The following CCDC102B variants were observed in gnomAD, a reference collection of about 807,000 sequenced individuals.
The protein encoded by CCDC102B is coiled-coil domain containing 102B.
A neutral mutation model predicts 57.4 loss-of-function variants in CCDC102B; 75 were observed. The observed-to-expected ratio is 1.31, with a 90% CI of 1.08 to 1.58. CCDC102B has a LOEUF of 1.58. Ranked by LOEUF, CCDC102B falls within the 40% of genes most tolerant of loss-of-function variation. The pLI is 0.00. For synonymous variants in CCDC102B, 206 were observed against 201.9 expected, an observed-to-expected ratio of 1.02 and a Z score of -0.17; for missense variants, 636 against 582.6, an observed-to-expected ratio of 1.09 and a Z score of -0.94.
At chr18:68,882,681 C>T (rs1446596060) in intron 5 of CCDC102B, among the ~76,000 whole-genome samples, 1 of 152,096 alleles carries the variant, frequency 6.6e-6, no homozygotes, top group African/African-American at 2.4e-5. Flanking sequence ...TTACAAACAA[C>T]AATAAAAGGA....
chr18:69,056,643 A>G (rs1395235027), downstream of CCDC102B, among the ~76,000 whole-genome samples: 1 of 146,796 alleles, frequency 6.8e-6, no homozygotes, highest in Non-Finnish European at 1.5e-5. Flanking sequence ...GATAATAGAT[A>G]GATAGATAGA....
intron 6 of CCDC102B, among the ~76,000 whole-genome samples, chr18:68,951,499 C>T (rs2049696571): frequency 6.6e-6 from 1 of 152,018 alleles, no homozygotes; most frequent in African/African-American, 2.4e-5. Context: ...AATGTTTTCC[C>T]TTTCTACCTC....
intron 2 of CCDC102B, among the ~76,000 whole-genome samples, chr18:68,724,766 C>A (rs1252943179): frequency 6.6e-6 from 1 of 152,252 alleles, no homozygotes; most frequent in South Asian, 2.1e-4. Flanking sequence ...CCAAACTTTC[C>A]CACATTTTCC....
At chr18:68,884,605 C>T (rs76483187) in intron 5 of CCDC102B, among the ~76,000 whole-genome samples, 1,570 of 142,086 alleles carry the variant, frequency 0.011, 32 homozygotes, top group East Asian at 0.08. Context: ...CACACACACA[C>T]ATATACACAC....
At chr18:68,869,470 G>A (rs2039144717) in intron 4 of CCDC102B, among the ~76,000 whole-genome samples, 2 of 152,214 alleles carry the variant, frequency 1.3e-5, no homozygotes, top group African/African-American at 2.4e-5. Context: ...AATGCTGGTA[G>A]CAGAAGCGAG....
At chr18:68,726,302 T>C (rs1409372329) in intron 2 of CCDC102B, among the ~76,000 whole-genome samples, 1 of 150,890 alleles carries the variant, frequency 6.6e-6, no homozygotes, top group Non-Finnish European at 1.5e-5. Context: ...TAGAGTTACC[T>C]AAGCCTATTC....
At position 68,743,905 on chromosome 18, in the gene CCDC102B, C is replaced by T. The variant is rs145985923; in HGVS notation, c.-67+27311C>T. ...TTTCTGTTTTTTAGTTGAGTGTGAG[C>T]GGAAAAAGAAACTGGGGATAAATTA... On this transcript the variant is annotated intron_variant, in intron 2 of 3. Transcript: ENST00000578970. 4.6e-5 allele frequency among the ~76,000 whole-genome samples: 7 copies of T among 152,140 alleles called. No individual in the cohort carries two copies. In the East Asian group the frequency reaches 1.2e-3, roughly 25 times the overall value.
intron 2 of CCDC102B, among the ~76,000 whole-genome samples, chr18:68,774,724 A>G (rs2034752337): frequency 6.6e-6 from 1 of 152,068 alleles, no homozygotes. Flanking sequence ...TTAGAGATTG[A>G]TTTATTTTTA....
chr18:68,867,186 T>G (rs377413330), intron 4 of CCDC102B, among the ~76,000 whole-genome samples: 1 of 152,180 alleles, frequency 6.6e-6, no homozygotes, highest in African/African-American at 2.4e-5. Context: ...TAGATCATAG[T>G]AGTGGAAAAG....
Position 69,033,371 on chromosome 18 carries a change from A to G in CCDC102B, c.1435-20659A>G, listed in dbSNP as rs145235080. Among the ~76,000 whole-genome samples the G allele has an allele frequency of 4.5e-3, 679 of 152,258 alleles. 3 individuals carry two copies. The highest frequency in any genetic ancestry group is 0.012 in the South Asian group (60 of 4,828). On this transcript the variant is annotated intron_variant, in intron 7 of 7. Coordinates refer to ENST00000360242, the MANE Select transcript of CCDC102B (RefSeq NM_024781.3). Reference sequence around the variant, plus strand: ...AGTATCATCATCATGTTGTGTAACAATCACTACAATCTAATTTTAAAACAG... The same window carrying G: ...AGTATCATCATCATGTTGTGTAACAGTCACTACAATCTAATTTTAAAACAG...
Position 68,881,302 on chromosome 18 carries a change from A to G in CCDC102B, c.1053+6517A>G, listed in dbSNP as rs528653941. 2.0e-5 allele frequency among the ~76,000 whole-genome samples: 3 copies of G among 152,332 alleles called. No homozygotes were observed. The South Asian group carries it at 6.2e-4, about 32-fold the overall frequency. On this transcript the variant is annotated intron_variant, in intron 5 of 7. Transcript: ENST00000360242. ...AAATACTCTGTTCAGATTGAGTATC[A>G]CTAGATATTTAGAGCTAATGTTTAT...
chr18:68,879,116 G>A (rs757569017), intron 5 of CCDC102B, among the ~76,000 whole-genome samples: 3 of 152,026 alleles, frequency 2.0e-5, no homozygotes, highest in East Asian at 3.9e-4. Flanking sequence ...ATTCCTCCCA[G>A]TGGGCTCGTG....
intron 1 of CCDC102B, among the ~76,000 whole-genome samples, chr18:68,810,863 C>G (rs2036236733): frequency 6.6e-6 from 1 of 151,796 alleles, no homozygotes; most frequent in South Asian, 2.1e-4. Context: ...CCAACAGGCC[C>G]CAGTGTGTGA....
At chr18:69,012,100 A>G (rs1286196330) in intron 7 of CCDC102B, among the ~76,000 whole-genome samples, 1 of 152,024 alleles carries the variant, frequency 6.6e-6, no homozygotes, top group African/African-American at 2.4e-5. Context: ...GTCTCTTTTT[A>G]TGAAGATATA....
intron 5 of CCDC102B, among the ~76,000 whole-genome samples, chr18:68,880,610 C>G (rs1211746782): frequency 6.6e-6 from 1 of 152,238 alleles, no homozygotes; most frequent in Non-Finnish European, 1.5e-5. Context: ...AACAACTCTA[C>G]TTTCAGGGTG....
At chr18:69,053,993 T>C in intron 7 of CCDC102B, 37 bp from the exon 8 acceptor site, 1 of 1,555,772 alleles carries the variant, frequency 6.4e-7, no homozygotes, top group Non-Finnish European at 8.7e-7. Context: ...TATAGAACAC[T>C]TGAACCTAAC....
rs941615973 is a variant in CCDC102B, at chr18:68,785,714, G to T, written c.-66-37652G>T. ...TGTAAATTTGTTTGAGTTCATTGTA[G>T]ATTCTGGATATTAGCCCTTTGTCAG... On this transcript the variant is annotated intron_variant, in intron 2 of 3. Coordinates refer to the CCDC102B transcript ENST00000578970. Among the ~76,000 whole-genome samples the T allele has an allele frequency of 3.0e-4, 45 of 148,364 alleles. 1 individual carries two copies. Among genetic ancestry groups the T allele is most frequent in the Admixed American group, 2.9e-3 (43 of 14,914 alleles).
chr18:68,715,218 G>A (rs1167366152), upstream of CCDC102B: 2 of 1,379,476 alleles, frequency 1.4e-6, no homozygotes, highest in African/African-American at 3.0e-5. Context: ...CATGTCTTAA[G>A]AATCCTTTGC....
chr18:68,883,893 A>G (rs898595818), intron 5 of CCDC102B, among the ~76,000 whole-genome samples: 11 of 152,154 alleles, frequency 7.2e-5, no homozygotes, highest in African/African-American at 2.4e-4. Flanking sequence ...TAAACATCCA[A>G]TCGGCTTTTT....
Sources: allele counts gnomAD v4.1 joint callset (sites outside exome capture counted in the v4.1 genomes callset), GRCh38; gene constraint gnomAD v4.1.1; transcripts MANE v1.5; gene names NCBI Gene and HGNC (gene_info 2026-07-23, HGNC 2026-07-21).